MAN2B1: variants seen among roughly 807,000 people sequenced by gnomAD.
The protein encoded by MAN2B1 is mannosidase alpha class 2B member 1.
In MAN2B1, 99 loss-of-function variants were observed where a neutral mutation model predicts 127.5. The observed-to-expected ratio is 0.78, with a 90% CI of 0.66 to 0.92. MAN2B1 has a LOEUF of 0.92. Ranked by LOEUF, MAN2B1 falls within the 40% of genes least tolerant of loss-of-function variation. The pLI is 0.00. For missense variants in MAN2B1, 1,304 were observed against 1,384.8 expected (o/e 0.94, Z 0.93); for synonymous variants, 573 against 568.8 (o/e 1.01, Z -0.11).
In MAN2B1 at chr19:12,647,363, A is replaced by G. The variant is rs1024929407; in HGVS notation, c.2821-28T>C. On this transcript the variant is annotated intron_variant, in intron 22 of 23. Transcript: ENST00000456935. The surrounding 1 kb of genome is among the most constrained non-coding windows in gnomAD (Gnocchi z 4.9). ...GCGGGGAAGGGGATGGGCCCAGATG[A>G]GTTGGGGCAAAGCCAGGTTTCTCTT... 3 of 1,611,154 alleles carry G rather than the reference A, an allele frequency of 1.9e-6. No individual in the cohort carries two copies. The highest frequency in any genetic ancestry group is 2.5e-6 in the Non-Finnish European group (3 of 1,177,312).
chr19:12,663,346 C>T lies in MAN2B1; in HGVS notation c.880G>A (p.Asp294Asn), dbSNP rs973412688. 11 of 1,614,194 alleles carry T rather than the reference C, an allele frequency of 6.8e-6. No homozygotes were observed. Among genetic ancestry groups the T allele is most frequent in the South Asian group, 1.1e-5 (1 of 91,084 alleles). Residue 294 changes from aspartate to asparagine, a missense_variant, in exon 6 of 24, where the codon GAT becomes AAT. Transcript: ENST00000456935. ...GCAGTGGCCACATTTAGGAAGTAAT[C>T]GACCAGCTCCTTGGCGTTGTACTCG... ...SPEYNAKELV[D>N]YFLNVATAQG... is the part of the protein sequence containing the mutation.
intron 6 of MAN2B1, among the ~76,000 whole-genome samples, chr19:12,662,937 CAA>C (rs33998995): frequency 7.9e-6 from 1 of 126,174 alleles, no homozygotes; most frequent in African/African-American, 3.0e-5. Context: ...GACTCTGTCT[CAA>C]AAAAAAAAAA....
At chr19:12,649,801 T>G in intron 18 of MAN2B1, 112 bp downstream of exon 18, 1 of 949,808 alleles carries the variant, frequency 1.1e-6, no homozygotes, top group Non-Finnish European at 1.7e-6. Context: ...CGCCCTTCAC[T>G]CTCCCTTCGT....
intron 10 of MAN2B1, 82 bp downstream of exon 10, chr19:12,657,981 A>AG: frequency 1.1e-6 from 1 of 900,854 alleles, no homozygotes; most frequent in Non-Finnish European, 1.7e-6. Context: ...AAAAAAAAAA[A>AG]GAAGAAACTC....
intron 4 of MAN2B1, 130 bp downstream of exon 4, chr19:12,664,662 G>A (rs928664534): frequency 2.0e-6 from 2 of 980,628 alleles, no homozygotes; most frequent in African/African-American, 1.6e-5. Flanking sequence ...CACTCAAGGG[G>A]CAGGGCTTCA....
At chr19:12,656,508 C>A in intron 13 of MAN2B1, 63 bp downstream of exon 13, 1 of 1,140,472 alleles carries the variant, frequency 8.8e-7, no homozygotes, top group Non-Finnish European at 1.3e-6. Flanking sequence ...TCCATGGGGG[C>A]GATGAGGAAA....
chr19:12,661,554 G>A (rs1419360539), intron 6 of MAN2B1, among the ~76,000 whole-genome samples, 178 bp from the exon 7 acceptor site: 1 of 152,174 alleles, frequency 6.6e-6, no homozygotes, highest in East Asian at 1.9e-4. Context: ...AGTTCTCTTG[G>A]ACCCACTACC....
At position 12,647,116 on chromosome 19, in the gene MAN2B1, C is replaced by T. The variant is rs906501477; in HGVS notation, c.2923+117G>A. 2 of 981,364 alleles carry T rather than the reference C, an allele frequency of 2.0e-6. No homozygotes were observed. The highest frequency in any genetic ancestry group is 3.2e-5 in the African/African-American group (2 of 62,740). The allele number at this position is 981,364 out of a possible 1,614,324, so 60.8% of individuals were successfully genotyped here. A position where few individuals can be genotyped will look rare whatever the true frequency, so the allele number is the denominator to read the frequency against. ...CCCCTAACCTGGGTCTGGACTCTGC[C>T]CCATACCCTCATGACCTTTTTGGGT... On this transcript the variant is annotated intron_variant, in intron 23 of 23. Coordinates refer to ENST00000456935, the MANE Select transcript of MAN2B1 (RefSeq NM_000528.4). The surrounding 1 kb of genome is among the most constrained non-coding windows in gnomAD (Gnocchi z 4.9).
At chr19:12,657,188 C>G (rs2023984988) in intron 11 of MAN2B1, 132 bp from the exon 12 acceptor site, 5 of 727,124 alleles carry the variant, frequency 6.9e-6, no homozygotes, top group Non-Finnish European at 1.2e-5. Flanking sequence ...CTTCTAGCCC[C>G]ACCCTGCTGC....
At chr19:12,656,410 G>A in intron 13 of MAN2B1, 161 bp downstream of exon 13, 1 of 642,778 alleles carries the variant, frequency 1.6e-6, no homozygotes, top group Non-Finnish European at 2.8e-6. Context: ...TTCCCAAGGG[G>A]AGACTGATAT....
Position 12,650,023 on chromosome 19 carries a change from A to T in MAN2B1, c.2166-9T>A, listed in dbSNP as rs745641762. On this transcript the variant is annotated splice_polypyrimidine_tract_variant and intron_variant, in intron 17 of 23. Transcript: ENST00000456935. ...CCTTCCCCCAGGTGTCGCTGTACCC[A>T]ATGGGATGGCAAGGTTGTGAGCCTT... 6.2e-7 allele frequency: 1 copy of T among 1,613,432 alleles called. No individual in the cohort carries two copies. The highest frequency in any genetic ancestry group is 1.1e-5 in the South Asian group (1 of 91,068).
chr19:12,664,122 G>C lies in MAN2B1; in HGVS notation c.631-287C>G, dbSNP rs545281944. ...GCTCTTGTAGTCTCATCTACTAGGG[G>C]GGCTGAGACAGGAGAATCGCTTGAA... On this transcript the variant is annotated intron_variant, in intron 4 of 23. Transcript: ENST00000456935. Among the ~76,000 whole-genome samples the C allele has an allele frequency of 3.3e-5, 5 of 152,246 alleles. No homozygotes were observed. The South Asian group carries it at 8.3e-4, about 25-fold the overall frequency.
At chr19:12,660,372 CG>C (rs1357520787) in intron 7 of MAN2B1, among the ~76,000 whole-genome samples, 1 of 152,064 alleles carries the variant, frequency 6.6e-6, no homozygotes, top group Non-Finnish European at 1.5e-5. Flanking sequence ...CGTGGTGGCA[CG>C]CGACTGTAGT....
In MAN2B1 at chr19:12,649,996, C is replaced by G; in HGVS notation, c.2184G>C (p.Glu728Asp). 1.2e-6 allele frequency: 2 copies of G among 1,614,056 alleles called. No individual in the cohort carries two copies. The highest frequency in any genetic ancestry group is 1.1e-5 in the South Asian group (1 of 91,086). The change falls in exon 18 of 24, where the codon GAG (glutamate) becomes GAC (aspartate). Residue 728 changes from glutamate to aspartate, a missense_variant. By Grantham distance (45) the Glu-to-Asp change is conservative. Coordinates refer to ENST00000456935, the MANE Select transcript of MAN2B1 (RefSeq NM_000528.4). ...PIPVGDTWGK[E>D]VISRFDTPLE... The stretch of plus-strand genomic sequence containing the variant: ...GCGGTGTGTCAAAACGGCTGATGAC[C>G]TCCTTCCCCCAGGTGTCGCTGTACC...
Position 12,658,115 on chromosome 19 carries a change from C to G in MAN2B1, c.1257G>C (p.Val419=). Residue 419 remains valine (V), a synonymous_variant, in exon 10 of 24, where the codon GTG becomes GTC. Coordinates refer to ENST00000456935, the MANE Select transcript of MAN2B1 (RefSeq NM_000528.4). ...LQVCNQLEAL[V]GLAANVGPYG... ...AGGGTCCCACGTTGGCCGCCAGGCC[C>G]ACCAGCGCCTCCAGCTGGTTGCACA... The G allele has an allele frequency of 6.2e-7, 1 of 1,613,544 alleles. No homozygotes were observed. The highest frequency in any genetic ancestry group is 1.1e-5 in the South Asian group (1 of 91,084).
rs766694689 is a variant in MAN2B1 at position 12,665,466 on chromosome 19, A to G, written c.322T>C (p.Leu108=). 34 of 1,614,082 alleles carry G rather than the reference A, an allele frequency of 2.1e-5. No individual in the cohort carries two copies. The highest frequency in any genetic ancestry group is 2.5e-5 in the Non-Finnish European group (29 of 1,180,042). Residue 108 remains leucine (L), a synonymous_variant, in exon 3 of 24, where the codon TTG becomes CTG. Coordinates refer to ENST00000456935, the MANE Select transcript of MAN2B1 (RefSeq NM_000528.4). ...QYILDSVISA[L]LADPTRRFIY... ...AAGCGACGGGTGGGATCTGCCAGCA[A>G]GGCAGAGATGACCGAGTCCAGGATG...
At chr19:12,653,057 C>A (rs576664056) in intron 14 of MAN2B1, among the ~76,000 whole-genome samples, 1 of 151,128 alleles carries the variant, frequency 6.6e-6, no homozygotes, top group Non-Finnish European at 1.5e-5. Flanking sequence ...TGGTCTCCAA[C>A]TCCTGACCTC....
chr19:12,655,365 C>T (rs1185452540), intron 14 of MAN2B1, among the ~76,000 whole-genome samples: 8 of 152,194 alleles, frequency 5.3e-5, no homozygotes, highest in African/African-American at 1.4e-4. Flanking sequence ...AATAGCCACA[C>T]GGCTCCCTCC....
chr19:12,648,032 G>C (rs1390831060), intron 21 of MAN2B1, 143 bp downstream of exon 21: 1 of 858,100 alleles, frequency 1.2e-6, no homozygotes, highest in Non-Finnish European at 1.9e-6. Flanking sequence ...GGCGGGGACT[G>C]CCCAGGGGAT....
Sources: gnomAD v4.1 joint callset for allele counts (sites outside exome capture counted in the v4.1 genomes callset) on GRCh38, gnomAD v4.1.1 for gene constraint, Gnocchi (gnomAD v3.1) non-coding constraint, MANE v1.5 for transcripts, NCBI Gene and HGNC (gene_info 2026-07-23, HGNC 2026-07-21) for gene names.